Variants in MMP26 observed in about 807,000 individuals in gnomAD.
MMP26 encodes matrix metalloproteinase-26.
Under a neutral mutation model 31.0 loss-of-function variants are expected in MMP26, and 33 were observed. That is an observed-to-expected ratio of 1.06 (90% CI 0.81 to 1.42). The LOEUF is 1.42. Ranked by LOEUF, MMP26 falls within the 40% of genes most tolerant of loss-of-function variation. The pLI is 0.00. For missense variants in MMP26, 347 were observed against 316.1 expected (o/e 1.10, Z -0.74); for synonymous variants, 122 against 114.9 (o/e 1.06, Z -0.40).
intron 2 of MMP26, chr11:4,915,087 C>T (rs770111214): frequency 1.2e-6 from 2 of 1,613,936 alleles, no homozygotes; most frequent in African/African-American, 1.3e-5. Flanking sequence ...TCGGCACAGG[C>T]CAATTTCATC....
intron 2 of MMP26, chr11:4,946,175 C>G (rs1232902427): frequency 6.2e-7 from 1 of 1,613,772 alleles, no homozygotes; most frequent in African/African-American, 1.3e-5. Context: ...CTTCCGTTGA[C>G]ACAATTTTGC....
chr11:4,722,722 C>T, intron 1 of MMP26: 2 of 831,542 alleles, frequency 2.4e-6, no homozygotes, highest in Non-Finnish European at 4.0e-6. Flanking sequence ...CTGGGAGGGG[C>T]TGCCACAGCT....
intron 2 of MMP26, among the ~76,000 whole-genome samples, chr11:4,845,172 A>G (rs1849850237): frequency 6.6e-6 from 1 of 152,178 alleles, no homozygotes; most frequent in African/African-American, 2.4e-5. Context: ...CACATGTAAA[A>G]TTAAATACCT....
At chr11:4,724,090 C>T in intron 1 of MMP26, 2 of 647,496 alleles carry the variant, frequency 3.1e-6, no homozygotes. Context: ...GCACCAGGTC[C>T]ACTCGTGTAG....
intron 2 of MMP26, among the ~76,000 whole-genome samples, chr11:4,902,629 T>C (rs1190169989): frequency 9.2e-5 from 14 of 152,212 alleles, no homozygotes; most frequent in Non-Finnish European, 5.9e-5. Context: ...TTGCAAATAT[T>C]TTCTTCCAAT....
intron 1 of MMP26, chr11:4,711,073 C>T (rs541502381): frequency 6.6e-6 from 1 of 152,396 alleles, no homozygotes; most frequent in South Asian, 2.1e-4. Flanking sequence ...TCTGGGGGTC[C>T]ATTGTCTAAA....
chr11:4,712,883 T>C (rs942767208), intron 1 of MMP26, among the ~76,000 whole-genome samples: 1 of 151,998 alleles, frequency 6.6e-6, no homozygotes, highest in Non-Finnish European at 1.5e-5. Flanking sequence ...TTCAACAACA[T>C]CCAATACTAT....
At chr11:4,775,747 T>TGAGAGAGAGAGAGAGAGAGAGA (rs35696328) in intron 2 of MMP26, among the ~76,000 whole-genome samples, 2 of 139,710 alleles carry the variant, frequency 1.4e-5, no homozygotes, top group African/African-American at 5.3e-5. Flanking sequence ...AGGAAGTGAG[T>TGAGAGAGAGAGAGAGAGAGAGA]GAGAGAGAGA....
intron 2 of MMP26, among the ~76,000 whole-genome samples, chr11:4,862,433 A>G (rs371528544): frequency 5.6e-4 from 84 of 149,340 alleles, no homozygotes; most frequent in African/African-American, 2.0e-3. Context: ...TCAATCTTTC[A>G]GGAGAAGTCT....
chr11:4,865,997 G>T (rs1272542556), intron 2 of MMP26, among the ~76,000 whole-genome samples: 1 of 152,088 alleles, frequency 6.6e-6, no homozygotes, highest in Non-Finnish European at 1.5e-5. Flanking sequence ...CTTGACAACT[G>T]GTTGAATATT....
chr11:4,802,800 T>C (rs1283699459), intron 2 of MMP26, among the ~76,000 whole-genome samples: 4 of 152,182 alleles, frequency 2.6e-5, no homozygotes, highest in African/African-American at 9.6e-5. Flanking sequence ...GGGCGATAGT[T>C]TTTCTTTTCA....
chr11:4,970,575 T>G (rs2133630367), intron 2 of MMP26, among the ~76,000 whole-genome samples: 1 of 152,310 alleles, frequency 6.6e-6, no homozygotes, highest in South Asian at 2.1e-4. Flanking sequence ...TTGTGGAGGC[T>G]GTGGTGAGGC....
intron 2 of MMP26, among the ~76,000 whole-genome samples, chr11:4,835,503 T>A (rs1395631241): frequency 6.6e-6 from 1 of 152,150 alleles, no homozygotes; most frequent in Non-Finnish European, 1.5e-5. Flanking sequence ...GGGGTATTAA[T>A]AACAACCACT....
intron 1 of MMP26, among the ~76,000 whole-genome samples, chr11:4,756,441 C>G (rs943588190): frequency 4.3e-4 from 65 of 150,994 alleles, no homozygotes; most frequent in African/African-American, 1.6e-3. Flanking sequence ...AAGGTAAAAT[C>G]AGGAAGATAA....
intron 2 of MMP26, among the ~76,000 whole-genome samples, chr11:4,887,438 C>T (rs71480734): frequency 3.4e-3 from 513 of 152,194 alleles, no homozygotes; most frequent in Non-Finnish European, 5.2e-3. Flanking sequence ...TGAGTCATTT[C>T]CATCAAGTAC....
chr11:4,723,602 G>A, intron 1 of MMP26: 1 of 965,278 alleles, frequency 1.0e-6, no homozygotes, highest in Non-Finnish European at 1.7e-6. Flanking sequence ...TTCTTGATGA[G>A]GACAAATTCA....
At chr11:4,967,648 A>G (rs1290144300) in intron 2 of MMP26, among the ~76,000 whole-genome samples, 2 of 152,164 alleles carry the variant, frequency 1.3e-5, no homozygotes, top group Admixed American at 6.5e-5. Flanking sequence ...CATAAAGTCA[A>G]CCTTGCTTCC....
chr11:4,730,497 T>A (rs1848160540), intron 1 of MMP26, among the ~76,000 whole-genome samples: 1 of 152,068 alleles, frequency 6.6e-6, no homozygotes, highest in African/African-American at 2.4e-5. Flanking sequence ...TATTTGCTGC[T>A]GCTTTGTTAG....
In MMP26 at chr11:4,991,420, T is replaced by C. The variant is rs976036689; in HGVS notation, c.519T>C (p.His173=). ...ATGGGCCAGGTGGTATCTTAGGCCA[T>C]GCCTTTTTACCAAATTCTGGAAATC... ...PFDGPGGILG[H]AFLPNSGNPG... is the part of the protein sequence containing the mutation. Residue 173 remains histidine (H), a synonymous_variant, in exon 6 of 8, where the codon CAT becomes CAC. Coordinates refer to ENST00000380390, the MANE Select transcript of MMP26 (RefSeq NM_021801.5). 6 of 1,614,096 alleles carry C rather than the reference T, an allele frequency of 3.7e-6. No homozygotes were observed. Among genetic ancestry groups the C allele is most frequent in the Admixed American group, 1.7e-5 (1 of 60,036 alleles).
Sources: gnomAD v4.1 joint callset for allele counts (sites outside exome capture counted in the v4.1 genomes callset) on GRCh38, gnomAD v4.1.1 for gene constraint, MANE v1.5 for transcripts, NCBI Gene and HGNC (gene_info 2026-07-23, HGNC 2026-07-21) for gene names.